The following ZNF664 variants were observed in gnomAD, a reference collection of about 807,000 sequenced individuals.
ZNF664 encodes zinc finger Organ of Corti 1.
In ZNF664, 10 loss-of-function variants were observed where a neutral mutation model predicts 18.2. That is an observed-to-expected ratio of 0.55 (90% CI 0.34 to 0.93). The LOEUF (loss-of-function observed/expected upper bound fraction) is 0.93, where lower values mean the gene tolerates loss of function less well. Ranked by LOEUF, ZNF664 falls within the 40% of genes least tolerant of loss-of-function variation. ZNF664 has a pLI of 0.02. For synonymous variants in ZNF664, 119 were observed against 104.2 expected (o/e 1.14, Z -0.86); for missense variants, 193 against 319.0 (o/e 0.61, Z 3.01).
intron 2 of ZNF664, among the ~76,000 whole-genome samples, chr12:123,976,109 T>G (rs768119819): frequency 2.6e-5 from 4 of 152,230 alleles, no homozygotes; most frequent in Admixed American, 2.0e-4. Flanking sequence ...CAACTTATTT[T>G]GTTCTCTTGA....
At chr12:124,003,111 C>G (rs1957032343) in intron 3 of ZNF664, among the ~76,000 whole-genome samples, 1 of 152,150 alleles carries the variant, frequency 6.6e-6, no homozygotes, top group African/African-American at 2.4e-5. Flanking sequence ...AAGAAACCCG[C>G]CTGCAGGGGT....
intron 3 of ZNF664, among the ~76,000 whole-genome samples, chr12:123,991,132 G>T (rs1298890273): frequency 6.6e-6 from 1 of 152,174 alleles, no homozygotes; most frequent in Non-Finnish European, 1.5e-5. Flanking sequence ...TAGTGCATGT[G>T]TATGTTACAC....
At chr12:124,005,608 T>C (rs1957064452) in intron 3 of ZNF664, among the ~76,000 whole-genome samples, 1 of 152,126 alleles carries the variant, frequency 6.6e-6, no homozygotes, top group African/African-American at 2.4e-5. Context: ...CATGTTGGCC[T>C]GAAGTTCCAA....
At chr12:123,978,897 A>C (rs890457181) in intron 2 of ZNF664, among the ~76,000 whole-genome samples, 1 of 152,234 alleles carries the variant, frequency 6.6e-6, no homozygotes, top group African/African-American at 2.4e-5. Context: ...GTGTTTTGCA[A>C]CAGTTGGGAA....
intron 2 of ZNF664, among the ~76,000 whole-genome samples, chr12:123,975,742 A>G (rs976758949): frequency 6.6e-6 from 1 of 152,234 alleles, no homozygotes; most frequent in African/African-American, 2.4e-5. Context: ...ACCTTAAAAA[A>G]TAAGGCATAT....
intron 3 of ZNF664, among the ~76,000 whole-genome samples, chr12:123,994,892 AC>A (rs1449264352): frequency 1.3e-5 from 2 of 152,228 alleles, no homozygotes; most frequent in African/African-American, 4.8e-5. Context: ...CGGGAATTGT[AC>A]TATAAATTGT....
At chr12:124,003,162 TA>T (rs1346665082) in intron 3 of ZNF664, among the ~76,000 whole-genome samples, 2 of 152,116 alleles carry the variant, frequency 1.3e-5, no homozygotes, top group Non-Finnish European at 2.9e-5. Context: ...AGGAAGATAC[TA>T]GAACATGTTT....
Position 124,013,861 on chromosome 12 carries a change from C to G in ZNF664, c.*931C>G, listed in dbSNP as rs538659244. 1.8e-5 allele frequency: 3 copies of G among 167,204 alleles called. No individual in the cohort carries two copies. The East Asian group carries it at 5.8e-4, about 32-fold the overall frequency. The allele number at this position is 167,204 out of a possible 1,614,324, so 10.4% of individuals were successfully genotyped here. On this transcript the variant is annotated 3_prime_UTR_variant, in exon 5 of 5. Transcript: ENST00000337815. ...ATGTTTCAATCTCTATTTCTGTAAT[C>G]TTGGGCAATAATGCATAGGAGTTCT...
In ZNF664 at chr12:124,011,979, A is replaced by C. The variant is rs1290761003; in HGVS notation, c.-166A>C. On this transcript the variant is annotated 5_prime_UTR_variant, in exon 5 of 5. Coordinates refer to ENST00000337815, the MANE Select transcript of ZNF664 (RefSeq NM_152437.3). Reference sequence around the variant, plus strand: ...ATGCAGGAAGAAACCTTCCGTAGAAAGACAGGCAGGGAAAAGCTTAGGCTG... The same window carrying C: ...ATGCAGGAAGAAACCTTCCGTAGAACGACAGGCAGGGAAAAGCTTAGGCTG... 2 of 1,429,820 alleles carry C rather than the reference A, an allele frequency of 1.4e-6. No individual in the cohort carries two copies. Among genetic ancestry groups the C allele is most frequent in the African/African-American group, 2.9e-5 (2 of 69,580 alleles). 88.6% of individuals were successfully genotyped at this position (1,429,820 alleles called of 1,614,324 possible).
chr12:123,974,301 TG>T (rs1295605956), intron 2 of ZNF664: 29 of 348,424 alleles, frequency 8.3e-5, no homozygotes, highest in Middle Eastern at 7.1e-4. Context: ...GTTGCTAGAT[TG>T]CTTACGGGCT....
Position 123,979,268 on chromosome 12 carries a change from A to C in ZNF664, c.-757+5248A>C, listed in dbSNP as rs537895242. On this transcript the variant is annotated intron_variant, in intron 2 of 4. Transcript: ENST00000337815. ...TAACAAATTAGGTAATGAATTGAGG[A>C]TATGAATAGTTCTTAGATAAATGTG... Among the ~76,000 whole-genome samples the C allele has an allele frequency of 7.2e-5, 11 of 152,366 alleles. No individual in the cohort carries two copies. The South Asian group carries it at 1.4e-3, about 20-fold the overall frequency.
chr12:123,975,207 C>T (rs563716108), intron 2 of ZNF664, among the ~76,000 whole-genome samples: 5 of 152,110 alleles, frequency 3.3e-5, no homozygotes, highest in South Asian at 2.1e-4. Flanking sequence ...TTTTATTAGC[C>T]TTTGTGATCC....
chr12:123,985,440 C>G (rs1170419746), intron 2 of ZNF664, among the ~76,000 whole-genome samples: 4 of 152,184 alleles, frequency 2.6e-5, no homozygotes, highest in Non-Finnish European at 5.9e-5. Context: ...ATTTACTATT[C>G]TGACACACGT....
chr12:123,997,052 G>T (rs987324163), intron 3 of ZNF664, among the ~76,000 whole-genome samples: 4 of 151,828 alleles, frequency 2.6e-5, no homozygotes, highest in African/African-American at 4.8e-5. Flanking sequence ...CTCTTGTAAA[G>T]GAAAGGAAAA....
intron 2 of ZNF664, among the ~76,000 whole-genome samples, chr12:123,978,688 C>T (rs116012270): frequency 2.0e-5 from 3 of 152,080 alleles, no homozygotes; most frequent in African/African-American, 7.2e-5. Flanking sequence ...AGTAAATGTC[C>T]TAGAATGGCC....
chr12:123,992,781 C>T (rs1956903686), intron 3 of ZNF664, among the ~76,000 whole-genome samples: 1 of 152,182 alleles, frequency 6.6e-6, no homozygotes, highest in Admixed American at 6.5e-5. Flanking sequence ...GGTGCCTGAA[C>T]TGACAGGCCT....
chr12:123,998,268 G>GT (rs1956972831), intron 3 of ZNF664: 1 of 152,148 alleles, frequency 6.6e-6, no homozygotes, highest in Non-Finnish European at 1.5e-5. Context: ...AATGCCTTCT[G>GT]TTTTTCCTAA....
chr12:123,979,659 G>A (rs138554585), intron 2 of ZNF664, among the ~76,000 whole-genome samples: 13 of 152,162 alleles, frequency 8.5e-5, no homozygotes, highest in East Asian at 7.7e-4. Flanking sequence ...ATCAAGTAGC[G>A]TTTTGTTTTT....
In ZNF664 at chr12:124,015,353, A is replaced by G. The variant is rs1347248803; in HGVS notation, c.*2423A>G. On this transcript the variant is annotated 3_prime_UTR_variant, in exon 5 of 5. Transcript: ENST00000337815. ...TTTATGTCGAGCTTTAAAGTCCATA[A>G]TTGTTATCTTCAGAAAATATTATTT... is the stretch of plus-strand genomic sequence containing the variant. The G allele has an allele frequency of 2.4e-5, 4 of 166,964 alleles. No homozygotes were observed. Among genetic ancestry groups the G allele is most frequent in the African/African-American group, 9.6e-5 (4 of 41,458 alleles). The allele number at this position is 166,964 out of a possible 1,614,324, so 10.3% of individuals were successfully genotyped here.
Sources: gnomAD v4.1 joint callset for allele counts (sites outside exome capture counted in the v4.1 genomes callset) on GRCh38, gnomAD v4.1.1 for gene constraint, MANE v1.5 for transcripts, NCBI Gene and HGNC (gene_info 2026-07-23, HGNC 2026-07-21) for gene names.